The following MYO5B variants were observed in gnomAD, a reference collection of about 807,000 sequenced individuals.
The protein encoded by MYO5B is unconventional myosin-Vb.
Under a neutral mutation model 229.3 loss-of-function variants are expected in MYO5B, and 143 were observed. The observed-to-expected ratio is 0.62, with a 90% CI of 0.54 to 0.72. The LOEUF (loss-of-function observed/expected upper bound fraction) is 0.72, where lower values mean the gene tolerates loss of function less well. MYO5B is among the 30% of genes least tolerant of loss of function. The probability of loss-of-function intolerance (pLI) is 0.00; values close to 1 mark genes in which losing one functional copy is unlikely to be tolerated. For synonymous variants in MYO5B, 918 were observed against 885.2 expected (o/e 1.04, Z -0.66); for missense variants, 2,321 against 2,331.0 (o/e 1.00, Z 0.09).
intron 1 of MYO5B, among the ~76,000 whole-genome samples, chr18:50,084,029 G>A (rs1002496175): frequency 1.3e-5 from 2 of 152,170 alleles, no homozygotes; most frequent in Non-Finnish European, 2.9e-5. Context: ...CTGTGCCTCA[G>A]TTTATCATGG....
intron 4 of MYO5B, among the ~76,000 whole-genome samples, chr18:50,014,584 T>A (rs1179961148): frequency 6.6e-6 from 1 of 152,222 alleles, no homozygotes; most frequent in African/African-American, 2.4e-5. Flanking sequence ...CCCTATCTCC[T>A]GCAGTAAATG....
intron 14 of MYO5B, among the ~76,000 whole-genome samples, chr18:49,940,383 G>A (rs2025301198): frequency 6.6e-6 from 1 of 152,120 alleles, no homozygotes; most frequent in South Asian, 2.1e-4. Context: ...ACTGTTCTCA[G>A]AACCTGTCAG....
At chr18:49,846,472 G>A (rs1301295627) in intron 33 of MYO5B, among the ~76,000 whole-genome samples, 1 of 152,174 alleles carries the variant, frequency 6.6e-6, no homozygotes, top group East Asian at 1.9e-4. Flanking sequence ...AAGAACACTG[G>A]TGAGTAGCAC....
Position 49,926,112 on chromosome 18 carries a change from A to G in MYO5B, c.2090+3400T>C, listed in dbSNP as rs115488477. Among the ~76,000 whole-genome samples the G allele has an allele frequency of 3.2e-3, 495 of 152,334 alleles. 5 individuals are homozygous for G. The highest frequency in any genetic ancestry group is 0.01 in the African/African-American group (425 of 41,572). ...AGGGACAGATGTGGTTGAAAAGAAA[A>G]TAACAACAGCCTTCAACCTAGCTAG... On this transcript the variant is annotated intron_variant, in intron 17 of 39. Coordinates refer to ENST00000285039, the MANE Select transcript of MYO5B (RefSeq NM_001080467.3).
rs1483435825 is a variant in MYO5B at position 49,835,407 on chromosome 18, G to C, written c.5331C>G (p.Asn1777Lys). The C allele has an allele frequency of 2.5e-6, 4 of 1,612,318 alleles. No homozygotes were observed. Among genetic ancestry groups the C allele is most frequent in the Non-Finnish European group, 3.4e-6 (4 of 1,179,116 alleles). Residue 1777 changes from asparagine (N) to lysine (K), a missense_variant, in exon 39 of 40, where the codon AAC (asparagine) becomes AAG (lysine). By Grantham distance (94) the Asn-to-Lys change is moderately conservative. Around this residue, in one of 2 missense-constraint regions of MYO5B, gnomAD observed 208 missense variants for 286.3 expected, o/e 0.73. Coordinates refer to ENST00000285039, the MANE Select transcript of MYO5B (RefSeq NM_001080467.3). ...LSTQQIVKILNLYTPLNEFEE... is the reference protein window; with the variant it reads ...LSTQQIVKILKLYTPLNEFEE... ...CAAATTCATTCAGGGGAGTATAAAG[G>C]TTTAAAATTTTGACAATCTGTTGGG...
intron 27 of MYO5B, among the ~76,000 whole-genome samples, chr18:49,865,967 A>G (rs940543222): frequency 1.4e-4 from 22 of 152,104 alleles, no homozygotes; most frequent in African/African-American, 5.3e-4. Flanking sequence ...CCTCCCCCAC[A>G]GGTTCACTAC....
Position 49,929,612 on chromosome 18 carries a change from A to T in MYO5B, c.2004-14T>A, listed in dbSNP as rs200222654. 13 of 274,978 alleles carry T rather than the reference A, an allele frequency of 4.7e-5. No individual in the cohort carries two copies. The highest frequency in any genetic ancestry group is 1.5e-4 in the African/African-American group (1 of 6,814). The allele number at this position is 274,978 out of a possible 1,614,324, so 17.0% of individuals were successfully genotyped here. A position where few individuals can be genotyped will look rare whatever the true frequency, so the allele number is the denominator to read the frequency against. On this transcript the variant is annotated splice_polypyrimidine_tract_variant and intron_variant, in intron 16 of 39. Coordinates refer to ENST00000285039, the MANE Select transcript of MYO5B (RefSeq NM_001080467.3). ...TTTGGGTCAAAGCTGCCAAAGGAGA[A>T]AAAAAAAAAAAAAAGCAAGACAAGA...
chr18:50,128,689 G>C (rs1415154220), intron 1 of MYO5B, among the ~76,000 whole-genome samples: 1 of 152,158 alleles, frequency 6.6e-6, no homozygotes, highest in Non-Finnish European at 1.5e-5. Flanking sequence ...CAGGGAGAAG[G>C]CCACGTGCCA....
intron 1 of MYO5B, among the ~76,000 whole-genome samples, chr18:50,087,894 A>C (rs1312986476): frequency 6.6e-6 from 1 of 152,182 alleles, no homozygotes; most frequent in East Asian, 1.9e-4. Flanking sequence ...AAGCACAGTA[A>C]CTAACAGTGT....
intron 9 of MYO5B, among the ~76,000 whole-genome samples, chr18:49,976,940 C>A (rs1263342070): frequency 6.6e-6 from 1 of 152,166 alleles, no homozygotes; most frequent in East Asian, 1.9e-4. Context: ...CCAAGAAATT[C>A]TTAATTGCTA....
At chr18:50,119,996 T>TA (rs142561754) in intron 1 of MYO5B, among the ~76,000 whole-genome samples, 24,014 of 151,874 alleles carry the variant, frequency 0.16, 2,010 homozygotes, top group African/African-American at 0.2. Context: ...GGAACATATT[T>TA]AAAAAAAGGT....
chr18:49,918,341 C>T (rs1196504222), intron 17 of MYO5B, among the ~76,000 whole-genome samples: 1 of 152,250 alleles, frequency 6.6e-6, no homozygotes, highest in Non-Finnish European at 1.5e-5. Context: ...CCTAGAGTCC[C>T]TCCAGTAAGA....
In MYO5B at chr18:50,113,896, G is replaced by C. The variant is rs2031911967; in HGVS notation, c.28-58518C>G. ...AGCCTAAAGAGCTGCTACACCAATT[G>C]AAAAAGAGAACACACAATTAACTCA... is the stretch of plus-strand genomic sequence containing the variant. On this transcript the variant is annotated intron_variant, in intron 1 of 39. Transcript: ENST00000285039. Among the ~76,000 whole-genome samples the C allele has an allele frequency of 1.3e-5, 2 of 152,136 alleles. 1 individual carries two copies. The highest frequency in any genetic ancestry group is 4.1e-4 in the South Asian group (2 of 4,830).
At chr18:50,148,767 C>T (rs1199341096) in intron 1 of MYO5B, among the ~76,000 whole-genome samples, 11 of 151,920 alleles carry the variant, frequency 7.2e-5, no homozygotes, top group Non-Finnish European at 1.5e-4. Context: ...CCTTTGAAAA[C>T]TGGCACAAGA....
chr18:49,982,372 T>A (rs2025825327), intron 8 of MYO5B, among the ~76,000 whole-genome samples: 1 of 152,166 alleles, frequency 6.6e-6, no homozygotes, highest in African/African-American at 2.4e-5. Flanking sequence ...TCCTTTACTC[T>A]TGAGAACCAA....
chr18:50,011,686 C>G (rs1208306403), intron 4 of MYO5B, among the ~76,000 whole-genome samples: 1 of 151,902 alleles, frequency 6.6e-6, no homozygotes, highest in Non-Finnish European at 1.5e-5. Flanking sequence ...CTAATCCACC[C>G]CACGAAGCCC....
At chr18:50,065,356 C>CT in intron 1 of MYO5B, among the ~76,000 whole-genome samples, 1 of 152,296 alleles carries the variant, frequency 6.6e-6, no homozygotes, top group East Asian at 1.9e-4. Context: ...ATACCAGAGC[C>CT]TGGGTAACTT....
chr18:49,877,398 T>G (rs1196420459), intron 25 of MYO5B, among the ~76,000 whole-genome samples: 1 of 152,242 alleles, frequency 6.6e-6, no homozygotes, highest in Non-Finnish European at 1.5e-5. Flanking sequence ...ATATGCACTA[T>G]GATATTAAGT....
chr18:49,922,685 C>T lies in MYO5B; in HGVS notation c.2090+6827G>A, dbSNP rs181029796. On this transcript the variant is annotated intron_variant, in intron 17 of 39. Transcript: ENST00000285039. Reference sequence around the variant, plus strand: ...GGAAGGCAGCATTCTAGATCTAATTCCACACATTTAATTCACAGAATTAGA... The same window carrying T: ...GGAAGGCAGCATTCTAGATCTAATTTCACACATTTAATTCACAGAATTAGA... Among the ~76,000 whole-genome samples the T allele has an allele frequency of 3.9e-3, 591 of 151,978 alleles. 4 individuals carry two copies. Among genetic ancestry groups the T allele is most frequent in the African/African-American group, 0.013 (551 of 41,470 alleles).
Sources: gnomAD v4.1 joint callset for allele counts (sites outside exome capture counted in the v4.1 genomes callset) on GRCh38, gnomAD v4.1.1 for gene constraint, gnomAD v4.1.1 regional missense constraint, MANE v1.5 for transcripts, NCBI Gene and HGNC (gene_info 2026-07-23, HGNC 2026-07-21) for gene names.